Variants in SRPK1 observed in about 807,000 individuals in gnomAD.
SRPK1 encodes the protein SFRS protein kinase 1.
SRPK1 carries 52 observed loss-of-function variants against 89.5 expected under a neutral mutation model. The observed-to-expected ratio is 0.58, with a 90% confidence interval of 0.46 to 0.73. The LOEUF (loss-of-function observed/expected upper bound fraction) is 0.73. SRPK1 is among the 30% of genes least tolerant of loss of function. The probability of loss-of-function intolerance (pLI) is 0.00; values close to 1 mark genes in which losing one functional copy is unlikely to be tolerated. For missense variants in SRPK1, 603 were observed against 780.6 expected (o/e 0.77, Z 2.71); for synonymous variants, 255 against 270.2 (o/e 0.94, Z 0.55).
intron 13 of SRPK1, among the ~76,000 whole-genome samples, chr6:35,848,928 G>C (rs1769479939): frequency 6.6e-6 from 1 of 152,180 alleles, no homozygotes; most frequent in Non-Finnish European, 1.5e-5. Flanking sequence ...ACATTGGTCT[G>C]AGCAATGATT....
Position 35,915,991 on chromosome 6 carries a change from A to AAAAT in SRPK1, c.74+4476_74+4477insATTT, listed in dbSNP as rs1433969114. 8.9e-3 allele frequency among the ~76,000 whole-genome samples: 766 copies of AAAAT among 86,204 alleles called. 46 individuals carry two copies. The highest frequency in any genetic ancestry group is 0.02 in the African/African-American group (316 of 15,720). The allele number at this position is 86,204 out of a possible 152,430, so 56.6% of individuals were successfully genotyped here. A position where few individuals can be genotyped will look rare whatever the true frequency, so the allele number is the denominator to read the frequency against. On this transcript the variant is annotated intron_variant, in intron 2 of 15. Transcript: ENST00000373825. ...TGTCTCAAAAACAAAAAAAAAAAAA[A>AAAAT]ATATATACACACACACACACACACA...
Position 35,842,546 on chromosome 6 carries a change from G to C in SRPK1, c.1679C>G (p.Thr560Ser). The C allele has an allele frequency of 6.2e-7, 1 of 1,611,756 alleles. No homozygotes were observed. Among genetic ancestry groups the C allele is most frequent in the South Asian group, 1.1e-5 (1 of 90,570 alleles). ...LFEPHSGEEYTRDEDHIALII... is the reference protein window; with the variant it reads ...LFEPHSGEEYSRDEDHIALII... ...TTAAGGGGACTCACCTTCATCTCGA[G>C]TGTACTCTTCCCCTGAATGAGGTTC... Residue 560 changes from threonine to serine, a missense_variant, in exon 14 of 16, where the codon ACT (threonine) becomes AGT (serine). Transcript: ENST00000373825.
At chr6:35,868,060 C>T (rs758955411) in intron 12 of SRPK1, among the ~76,000 whole-genome samples, 8 of 152,000 alleles carry the variant, frequency 5.3e-5, no homozygotes, top group Non-Finnish European at 8.8e-5. Flanking sequence ...GAAACCTCTG[C>T]CTGCCAGGTT....
rs1401169285 is a variant in SRPK1 at position 35,920,409 on chromosome 6, G to C, written c.74+59C>G. 4 of 1,589,368 alleles carry C rather than the reference G, an allele frequency of 2.5e-6. No individual in the cohort carries two copies. In the African/African-American group the frequency reaches 4.0e-5, roughly 16 times the overall value. On this transcript the variant is annotated intron_variant, in intron 2 of 15. Transcript: ENST00000373825. Reference sequence around the variant, plus strand: ...GGTGCACGTTCAAGACGTGAAACCAGAGCAGAGAAGGTGCCGGAGGAAAAT... The same window carrying C: ...GGTGCACGTTCAAGACGTGAAACCACAGCAGAGAAGGTGCCGGAGGAAAAT...
At chr6:35,836,979 A>G (rs1443560822) in intron 15 of SRPK1, among the ~76,000 whole-genome samples, 1 of 152,128 alleles carries the variant, frequency 6.6e-6, no homozygotes, top group East Asian at 1.9e-4. Flanking sequence ...CCTGCCAAGG[A>G]TTGAGAAAAG....
intron 13 of SRPK1, among the ~76,000 whole-genome samples, chr6:35,855,107 C>G (rs775918899): frequency 8.5e-5 from 13 of 152,088 alleles, no homozygotes; most frequent in Admixed American, 6.6e-5. Context: ...CAAGACCATC[C>G]TGGCTAACAT....
intron 2 of SRPK1, among the ~76,000 whole-genome samples, chr6:35,914,162 A>C (rs2127269978): frequency 6.6e-6 from 1 of 152,036 alleles, no homozygotes; most frequent in South Asian, 2.1e-4. Flanking sequence ...TTTTTAGTAG[A>C]GAAGGGGTTT....
chr6:35,901,642 T>C (rs1399754943), intron 2 of SRPK1, among the ~76,000 whole-genome samples: 1 of 152,244 alleles, frequency 6.6e-6, no homozygotes, highest in African/African-American at 2.4e-5. Context: ...CAGTCATCTC[T>C]GTATCCCTTC....
chr6:35,842,651 G>A, intron 13 of SRPK1, 47 bp from the exon 14 acceptor site: 1 of 1,482,296 alleles, frequency 6.7e-7, no homozygotes. Flanking sequence ...AGAAAAGAAG[G>A]CCTTTGGAAA....
At chr6:35,872,489 C>A in intron 8 of SRPK1, 74 bp downstream of exon 8, 1 of 1,356,738 alleles carries the variant, frequency 7.4e-7, no homozygotes, top group South Asian at 1.7e-5. Flanking sequence ...GTGTTTAATT[C>A]CCTGGTAACA....
At position 35,886,819 on chromosome 6, in the gene SRPK1, G is replaced by A. The variant is rs373734289; in HGVS notation, c.391-8C>T. 1.4e-5 allele frequency: 22 copies of A among 1,554,600 alleles called. 1 individual carries two copies. In the African/African-American group the frequency reaches 2.8e-4, roughly 20 times the overall value. On this transcript the variant is annotated splice_polypyrimidine_tract_variant and splice_region_variant and intron_variant, in intron 5 of 15. Coordinates refer to ENST00000373825, the MANE Select transcript of SRPK1 (RefSeq NM_003137.5). Reference sequence around the variant, plus strand: ...AGGGTCTGAATTGCGAACCTGTAGTGGGGAAGAGACAGTGTTTAGCACAAG... The same window carrying A: ...AGGGTCTGAATTGCGAACCTGTAGTAGGGAAGAGACAGTGTTTAGCACAAG...
At chr6:35,841,764 G>A (rs942469989) in intron 14 of SRPK1, among the ~76,000 whole-genome samples, 15 of 150,720 alleles carry the variant, frequency 1.0e-4, no homozygotes, top group African/African-American at 3.7e-4. Context: ...CGAGGGAAGT[G>A]GAGGTTGTAG....
At chr6:35,870,848 G>C in intron 9 of SRPK1, 86 bp downstream of exon 9, 1 of 1,209,014 alleles carries the variant, frequency 8.3e-7, no homozygotes, top group Non-Finnish European at 1.2e-6. Context: ...TCTCAAACTT[G>C]AAACAAACTG....
chr6:35,870,364 G>C lies in SRPK1; in HGVS notation c.908C>G (p.Pro303Arg), dbSNP rs763421860. 114 of 1,610,370 alleles carry C rather than the reference G, an allele frequency of 7.1e-5. No homozygotes were observed. Among genetic ancestry groups the C allele is most frequent in the Non-Finnish European group, 9.3e-5 (109 of 1,178,118 alleles). ...EKESGPGQKR[P>R]NKQEESESPV... ...ACTCTCTGATTCTTCTTGCTTGTTT[G>C]GTCTTTTTTGCCCAGGGCCCGACTC... The change falls in exon 10 of 16, where the codon CCA becomes CGA. Residue 303 changes from proline (P) to arginine (R), a missense_variant. Physicochemically the swap from Pro to Arg is moderately radical, Grantham distance 103. Transcript: ENST00000373825.
At chr6:35,857,014 C>A in intron 13 of SRPK1, 1 of 407,002 alleles carries the variant, frequency 2.5e-6, no homozygotes, top group Non-Finnish European at 4.4e-6. Context: ...CATTATTTCC[C>A]CCCACTAACA....
rs201496664 is a variant in SRPK1 at position 35,888,008 on chromosome 6, A to G, written c.390+16T>C. ...TTTATAATTCTTCACATTCATACAT[A>G]TAATCTAATACTCACTGACTTCAGC... On this transcript the variant is annotated intron_variant, in intron 5 of 15. Coordinates refer to ENST00000373825, the MANE Select transcript of SRPK1 (RefSeq NM_003137.5). The G allele has an allele frequency of 6.4e-6, 10 of 1,559,434 alleles. No individual in the cohort carries two copies. The highest frequency in any genetic ancestry group is 1.4e-5 in the African/African-American group (1 of 73,136).
chr6:35,849,158 A>T (rs925003866), intron 13 of SRPK1, among the ~76,000 whole-genome samples: 3 of 152,208 alleles, frequency 2.0e-5, no homozygotes, highest in African/African-American at 7.2e-5. Context: ...AAACAAACCC[A>T]ATTAAAAAAC....
intron 2 of SRPK1, among the ~76,000 whole-genome samples, chr6:35,902,081 A>C (rs1395221187): frequency 1.3e-5 from 2 of 152,122 alleles, no homozygotes; most frequent in Non-Finnish European, 2.9e-5. Context: ...CACATGAGCT[A>C]AAACTATTAG....
chr6:35,898,194 T>C (rs918110794), intron 2 of SRPK1, among the ~76,000 whole-genome samples: 1 of 152,152 alleles, frequency 6.6e-6, no homozygotes, highest in African/African-American at 2.4e-5. Context: ...CACTCTGCCA[T>C]GAAAAGGAAT....
Sources: allele counts gnomAD v4.1 joint callset (sites outside exome capture counted in the v4.1 genomes callset), GRCh38; gene constraint gnomAD v4.1.1; transcripts MANE v1.5; gene names NCBI Gene and HGNC (gene_info 2026-07-23, HGNC 2026-07-21).